The following COPS5 variants were observed in gnomAD, a reference collection of about 807,000 sequenced individuals.
The protein encoded by COPS5 is COP9 signalosome subunit 5, also known as COP9 signalosome complex subunit 5.
A neutral mutation model predicts 44.4 loss-of-function variants in COPS5; 8 were observed. The ratio of observed to expected loss-of-function variants is 0.18; its 90% CI spans 0.11 to 0.32. COPS5 has a LOEUF of 0.32. Among genes scored for constraint, COPS5 ranks in the 10% least tolerant of loss-of-function variants. The pLI, the probability that COPS5 is intolerant of heterozygous loss-of-function variation, is 1.00. For missense variants in COPS5, 159 were observed against 406.4 expected, an observed-to-expected ratio of 0.39 and a Z score of 5.23; for synonymous variants, 122 against 142.8, an observed-to-expected ratio of 0.85 and a Z score of 1.04.
In COPS5 at chr8:67,061,839, C is replaced by G; in HGVS notation, c.143+15G>C. The stretch of plus-strand genomic sequence containing the variant: ...ACCCTTTCCCTCCCCTGCGTCTCGC[C>G]AGGGACCTCCTCACTCCTTAGTCCA... On this transcript the variant is annotated intron_variant, in intron 1 of 7. Transcript: ENST00000357849. 1 of 1,613,748 alleles carries G rather than the reference C, an allele frequency of 6.2e-7. No individual in the cohort carries two copies.
At chr8:67,060,300 A>G (rs972959293) in intron 1 of COPS5, 2 of 1,142,696 alleles carry the variant, frequency 1.8e-6, no homozygotes, top group Admixed American at 8.2e-5. Flanking sequence ...ACAGTTTCCA[A>G]ATATTTAAGA....
In COPS5 at chr8:67,048,643, G is replaced by C. The variant is rs1305960814; in HGVS notation, c.771+2587C>G. ...AGGCAGATAACTGCTTAAACCTGGA[G>C]GGGTGGAGGTTGCAGTGAGCTGAGA... On this transcript the variant is annotated intron_variant, in intron 6 of 7. Coordinates refer to ENST00000357849, the MANE Select transcript of COPS5 (RefSeq NM_006837.3). Among the ~76,000 whole-genome samples the C allele has an allele frequency of 2.6e-5, 4 of 151,716 alleles. No homozygotes were observed. The South Asian group carries it at 6.2e-4, about 24-fold the overall frequency.
In COPS5 at chr8:67,056,649, AAAAATATATATATATATAT is replaced by A. The variant is rs1476867826; in HGVS notation, c.574-64_574-46del. 383 of 76,982 alleles carry A rather than the reference AAAAATATATATATATATAT, an allele frequency of 5.0e-3. 28 individuals are homozygous for A. Among genetic ancestry groups the A allele is most frequent in the South Asian group, 8.6e-3 (18 of 2,088 alleles). 4.8% of individuals were successfully genotyped at this position (76,982 alleles called of 1,614,324 possible). The stretch of plus-strand genomic sequence containing the variant: ...ACAGAAGATTAAGAAAAAAAAAAAA[AAAAATATATATATATATAT>A]ATATATATATATATATATATATATA... On this transcript the variant is annotated intron_variant, in intron 4 of 7. Transcript: ENST00000357849.
intron 5 of COPS5, among the ~76,000 whole-genome samples, chr8:67,054,821 G>T (rs1804479329): frequency 6.6e-6 from 1 of 152,106 alleles, no homozygotes; most frequent in East Asian, 1.9e-4. Context: ...CTTCTATGTG[G>T]CATGCCCTGT....
intron 7 of COPS5, 74 bp from the exon 8 acceptor site, chr8:67,043,391 C>A: frequency 1.1e-6 from 1 of 888,318 alleles, no homozygotes. Flanking sequence ...CAGCCCCAAT[C>A]CATCCATGTA....
chr8:67,047,692 T>C, intron 6 of COPS5: 2 of 624,358 alleles, frequency 3.2e-6, no homozygotes, highest in East Asian at 2.7e-5. Flanking sequence ...AACCTTTTCT[T>C]GATTATTAAT....
chr8:67,055,692 C>T (rs1473561404), intron 5 of COPS5, among the ~76,000 whole-genome samples: 1 of 151,922 alleles, frequency 6.6e-6, no homozygotes, highest in Non-Finnish European at 1.5e-5. Context: ...ACGGTGAAAC[C>T]CTGTCTCTAC....
At chr8:67,053,230 C>A (rs1318529321) in intron 5 of COPS5, among the ~76,000 whole-genome samples, 2 of 151,600 alleles carry the variant, frequency 1.3e-5, no homozygotes, top group African/African-American at 2.4e-5. Context: ...GCTGGGATTA[C>A]AGGCGCCCAC....
At chr8:67,059,085 C>A (rs1804551127) in intron 2 of COPS5, 126 bp downstream of exon 2, 1 of 618,424 alleles carries the variant, frequency 1.6e-6, no homozygotes, top group East Asian at 2.9e-5. Flanking sequence ...GTACATTTTA[C>A]ATATAAATCA....
intron 5 of COPS5, among the ~76,000 whole-genome samples, chr8:67,054,950 CAG>C (rs1465229877): frequency 3.9e-5 from 6 of 152,148 alleles, no homozygotes; most frequent in African/African-American, 9.7e-5. Flanking sequence ...AAAGAGGAAA[CAG>C]AGGTGTTACT....
intron 6 of COPS5, among the ~76,000 whole-genome samples, chr8:67,047,209 A>G (rs1429159492): frequency 6.6e-6 from 1 of 152,230 alleles, no homozygotes; most frequent in Non-Finnish European, 1.5e-5. Flanking sequence ...TTTGCAAGGA[A>G]AGACAGTCAG....
At chr8:67,055,057 A>G (rs377344146) in intron 5 of COPS5, among the ~76,000 whole-genome samples, 2 of 152,254 alleles carry the variant, frequency 1.3e-5, no homozygotes, top group East Asian at 1.9e-4. Context: ...CAATGCTTAA[A>G]GCAGTTAGTG....
chr8:67,053,172 G>A (rs1055859059), intron 5 of COPS5, among the ~76,000 whole-genome samples: 2 of 151,820 alleles, frequency 1.3e-5, no homozygotes, highest in African/African-American at 4.8e-5. Context: ...TCACTGCAAC[G>A]TTTGCCTCCC....
intron 4 of COPS5, 108 bp from the exon 5 acceptor site, chr8:67,056,712 A>ATAT (rs1804519294): frequency 1.0e-5 from 1 of 99,922 alleles, no homozygotes; most frequent in African/African-American, 6.4e-5. Context: ...TATATATATA[A>ATAT]AAATGAGAAA....
At chr8:67,059,811 G>T in intron 1 of COPS5, 1 of 217,758 alleles carries the variant, frequency 4.6e-6, no homozygotes, top group Non-Finnish European at 9.2e-6. Flanking sequence ...CTAACCTTCT[G>T]GCCTAATGGT....
At chr8:67,049,768 G>A (rs1039795351) in intron 6 of COPS5, among the ~76,000 whole-genome samples, 8 of 152,024 alleles carry the variant, frequency 5.3e-5, no homozygotes, top group South Asian at 2.1e-4. Context: ...TCTAAGTGCC[G>A]GTCCTGCTAT....
chr8:67,045,082 AAGAG>A (rs1396436323), intron 7 of COPS5: 1 of 152,232 alleles, frequency 6.6e-6, no homozygotes, highest in Non-Finnish European at 1.5e-5. Flanking sequence ...AGCACAATTT[AAGAG>A]AGAGACAATC....
At position 67,056,522 on chromosome 8, in the gene COPS5, T is replaced by C. The variant is rs778260803; in HGVS notation, c.656A>G (p.Lys219Arg). The C allele has an allele frequency of 4.0e-6, 5 of 1,249,554 alleles. No individual in the cohort carries two copies. In the Admixed American group the frequency reaches 1.0e-4, roughly 25 times the overall value. 77.4% of individuals were successfully genotyped at this position (1,249,554 alleles called of 1,614,324 possible). A position where few individuals can be genotyped will look rare whatever the true frequency, so the allele number is the denominator to read the frequency against. ...GATATGTTTTTAAATTACTTACTGT[T>C]TGCAGTGTACACCAAAATCTTCTAT... ...NKIEDFGVHC[K>R]QYYALEVSYF... Residue 219 changes from lysine (K) to arginine (R), a missense_variant, in exon 5 of 8, where the codon AAA (lysine) becomes AGA (arginine). By Grantham distance (26) the Lys-to-Arg change is conservative (BLOSUM62 2). Transcript: ENST00000357849.
At chr8:67,061,311 A>G (rs1430640054) in intron 1 of COPS5, 2 of 405,682 alleles carry the variant, frequency 4.9e-6, no homozygotes, top group East Asian at 1.5e-4. Context: ...AAAAACTATT[A>G]TAGGCCCAGG....
Sources: gnomAD v4.1 joint callset for allele counts (sites outside exome capture counted in the v4.1 genomes callset) on GRCh38, gnomAD v4.1.1 for gene constraint, MANE v1.5 for transcripts, NCBI Gene and HGNC (gene_info 2026-07-23, HGNC 2026-07-21) for gene names.